Variants in TENM2 observed in about 807,000 individuals in gnomAD.
TENM2 encodes teneurin transmembrane protein 2.
TENM2 carries 52 observed loss-of-function variants against 245.2 expected under a neutral mutation model. That is an observed-to-expected ratio of 0.21 (90% confidence interval 0.17 to 0.27). TENM2 has a LOEUF of 0.27. TENM2 is among the 10% of genes least tolerant of loss of function. The pLI, the probability that TENM2 is intolerant of heterozygous loss-of-function variation, is 1.00. For missense variants in TENM2, 3,046 were observed against 3,666.8 expected (o/e 0.83, Z 4.37); for synonymous variants, 1,363 against 1,438.9 (o/e 0.95, Z 1.19).
chr5:167,605,131 A>G (rs1289783696), intron 2 of TENM2, among the ~76,000 whole-genome samples: 1 of 152,118 alleles, frequency 6.6e-6, no homozygotes, highest in East Asian at 1.9e-4. Context: ...CTCCTAAAAC[A>G]TACTGAGCAT....
At chr5:167,423,893 C>T (rs758470285) in intron 2 of TENM2, among the ~76,000 whole-genome samples, 5 of 152,184 alleles carry the variant, frequency 3.3e-5, no homozygotes. Flanking sequence ...AGACCATCGA[C>T]CATGGCGAAG....
intron 2 of TENM2, among the ~76,000 whole-genome samples, chr5:167,391,646 AAGC>A (rs1421087942): frequency 4.6e-4 from 66 of 142,324 alleles, no homozygotes; most frequent in African/African-American, 1.6e-3. Context: ...AAAAAAAAAA[AAGC>A]ACTCTCAAGG....
intron 2 of TENM2, among the ~76,000 whole-genome samples, chr5:167,578,483 G>A (rs12153041): frequency 0.017 from 2,601 of 152,274 alleles, 44 homozygotes; most frequent in Non-Finnish European, 0.024. Context: ...ATTAGACAGG[G>A]ATTTTGTGTA....
intron 3 of TENM2, among the ~76,000 whole-genome samples, chr5:167,949,237 C>T (rs1238603180): frequency 1.3e-5 from 2 of 152,180 alleles, no homozygotes; most frequent in Non-Finnish European, 2.9e-5. Context: ...CCACCCCTCA[C>T]AGCATTCAGC....
At chr5:167,839,180 C>T (rs1322854986) in intron 2 of TENM2, among the ~76,000 whole-genome samples, 2 of 152,178 alleles carry the variant, frequency 1.3e-5, no homozygotes, top group Non-Finnish European at 1.5e-5. Context: ...TTCTCAATGA[C>T]ACCCACATTC....
intron 6 of TENM2, among the ~76,000 whole-genome samples, chr5:168,057,042 A>T (rs1329556707): frequency 1.3e-5 from 2 of 152,090 alleles, no homozygotes; most frequent in African/African-American, 4.8e-5. Flanking sequence ...ATGACTGTAT[A>T]TATATAGAGA....
intron 4 of TENM2, among the ~76,000 whole-genome samples, chr5:167,981,657 A>G (rs576866329): frequency 2.0e-5 from 3 of 152,290 alleles, no homozygotes; most frequent in African/African-American, 7.2e-5. Flanking sequence ...AAGAGATGGC[A>G]TAGTTAGAAC....
rs146165439 is a variant in TENM2, at chr5:167,477,912, G to A, written c.502+102439G>A. 9.6e-3 allele frequency among the ~76,000 whole-genome samples: 1,464 copies of A among 152,248 alleles called. 11 individuals are homozygous for A. The highest frequency in any genetic ancestry group is 0.017 in the Middle Eastern group (5 of 294). ...ATGAAGAAAAAAAGAAGGAAGATAT[G>A]AAAGAAGTAAGGAATTGAGATGAAC... On this transcript the variant is annotated intron_variant, in intron 2 of 28. Coordinates refer to ENST00000518659, the Ensembl canonical transcript of TENM2.
chr5:167,375,210 C>A, exon 2 of TENM2: 13 of 1,551,574 alleles, frequency 8.4e-6, no homozygotes, highest in Non-Finnish European at 1.1e-5. Flanking sequence ...ACCAACTTCA[C>A]CCTTGCCGAA....
chr5:167,187,941 G>GATTT, the TENM2 span, among the ~76,000 whole-genome samples: 1 of 152,140 alleles, frequency 6.6e-6, no homozygotes, highest in Non-Finnish European at 1.5e-5. Flanking sequence ...CCCTGGCAGA[G>GATTT]GCTGTTGTGT....
At chr5:167,388,053 C>T (rs1314975540) in intron 2 of TENM2, among the ~76,000 whole-genome samples, 1 of 152,044 alleles carries the variant, frequency 6.6e-6, no homozygotes, top group African/African-American at 2.4e-5. Flanking sequence ...AGGGAGGTTT[C>T]CCTCTTTCTG....
At chr5:168,132,028 A>T (rs1312946496) in intron 12 of TENM2, among the ~76,000 whole-genome samples, 1 of 120,048 alleles carries the variant, frequency 8.3e-6, no homozygotes, top group African/African-American at 3.2e-5. Context: ...ATTCTCCCCC[A>T]CCACCCCCCT....
chr5:167,161,439 A>T, the TENM2 span, among the ~76,000 whole-genome samples: 1 of 152,202 alleles, frequency 6.6e-6, no homozygotes, highest in Non-Finnish European at 1.5e-5. Context: ...CAGGGGAGGA[A>T]GGTAATGTCT....
At chr5:167,143,203 A>T in the TENM2 span, among the ~76,000 whole-genome samples, 1 of 152,224 alleles carries the variant, frequency 6.6e-6, no homozygotes, top group Non-Finnish European at 1.5e-5. Flanking sequence ...TTTACTGATG[A>T]CCACAATGAG....
the TENM2 span, among the ~76,000 whole-genome samples, chr5:167,255,609 C>T: frequency 6.6e-5 from 10 of 152,088 alleles, no homozygotes; most frequent in Non-Finnish European, 1.2e-4. Context: ...GATATGAAAA[C>T]GTAGATTTCG....
chr5:167,886,353 G>T (rs527284425), intron 3 of TENM2, among the ~76,000 whole-genome samples: 4 of 152,068 alleles, frequency 2.6e-5, no homozygotes, highest in African/African-American at 7.2e-5. Flanking sequence ...ATCATTTACC[G>T]CATGGCCCAG....
Position 167,965,212 on chromosome 5 carries a change from T to C in TENM2, c.947+12390T>C, listed in dbSNP as rs904777414. 2.0e-5 allele frequency: 3 copies of C among 152,302 alleles called. No homozygotes were observed. In the East Asian group the frequency reaches 5.8e-4, roughly 29 times the overall value. 9.4% of individuals were successfully genotyped at this position (152,302 alleles called of 1,614,324 possible). A position where few individuals can be genotyped will look rare whatever the true frequency, so the allele number is the denominator to read the frequency against. On this transcript the variant is annotated intron_variant, in intron 4 of 28. Coordinates refer to ENST00000518659, the Ensembl canonical transcript of TENM2. ...GATGTCTGGGTGAATAGCAATGTCA[T>C]GTGCTGAAGAAGGAACAGGTTTTTG...
At chr5:167,979,338 A>G (rs1782664612) in intron 4 of TENM2, among the ~76,000 whole-genome samples, 1 of 152,190 alleles carries the variant, frequency 6.6e-6, no homozygotes, top group Non-Finnish European at 1.5e-5. Context: ...TGCACCATGA[A>G]ATCTCCATGT....
At chr5:167,584,026 T>C (rs1206351751) in intron 2 of TENM2, among the ~76,000 whole-genome samples, 1 of 152,214 alleles carries the variant, frequency 6.6e-6, no homozygotes, top group Non-Finnish European at 1.5e-5. Context: ...ACTGTAACAA[T>C]GCACTCACCT....
Sources: allele counts gnomAD v4.1 joint callset (sites outside exome capture counted in the v4.1 genomes callset), GRCh38; gene constraint gnomAD v4.1.1; transcripts MANE v1.5; gene names NCBI Gene and HGNC (gene_info 2026-07-23, HGNC 2026-07-21).